ST6GAL1: variants seen among roughly 807,000 people sequenced by gnomAD.
ST6GAL1 encodes the protein ST6 beta-galactoside alpha-2,6-sialyltransferase 1, also known as beta-galactoside alpha-2,6-sialyltransferase 1.
ST6GAL1 carries 20 observed loss-of-function variants against 38.0 expected under a neutral mutation model. The observed-to-expected ratio is 0.53, with a 90% CI of 0.37 to 0.77. The LOEUF is 0.77. ST6GAL1 is among the 30% of genes least tolerant of loss of function. The pLI is 0.00. For synonymous variants in ST6GAL1, 196 were observed against 188.2 expected (o/e 1.04, Z -0.34); for missense variants, 432 against 496.4 (o/e 0.87, Z 1.23).
chr3:187,006,187 C>A (rs6764279), intron 2 of ST6GAL1: 49,774 of 152,046 alleles, frequency 0.33, 8,340 homozygotes, highest in South Asian at 0.44. Context: ...TTCCATTTGC[C>A]TCTTACAGAG....
At chr3:187,001,030 C>T (rs1716600503) in intron 2 of ST6GAL1, among the ~76,000 whole-genome samples, 1 of 152,210 alleles carries the variant, frequency 6.6e-6, no homozygotes, top group Admixed American at 6.5e-5. Flanking sequence ...AAGGTGCCTT[C>T]CTCGGGAGAA....
Position 186,954,768 on chromosome 3 carries a change from C to T in ST6GAL1, c.-324-9017C>T, listed in dbSNP as rs780635678. Among the ~76,000 whole-genome samples the T allele has an allele frequency of 3.9e-5, 6 of 152,138 alleles. 1 individual carries two copies. Among genetic ancestry groups the T allele is most frequent in the Middle Eastern group, 6.8e-3 (2 of 294 alleles). On this transcript the variant is annotated intron_variant, in intron 1 of 7. Coordinates refer to ENST00000169298, the MANE Select transcript of ST6GAL1 (RefSeq NM_173216.2). ...AGATTAGATTGCAAAAATTTTCTCC[C>T]GTTCTGTAGGCTGTCTGTTCACTCT...
intron 4 of ST6GAL1, chr3:187,043,875 C>G (rs1259379451): frequency 2.0e-5 from 3 of 152,188 alleles, no homozygotes; most frequent in African/African-American, 7.2e-5. Flanking sequence ...GCCTCAACAA[C>G]CTGGGTAATT....
intron 2 of ST6GAL1, among the ~76,000 whole-genome samples, chr3:186,990,749 G>T (rs1265921896): frequency 6.6e-6 from 1 of 150,992 alleles, no homozygotes; most frequent in Non-Finnish European, 1.5e-5. Context: ...GGAGGCAGAG[G>T]TTGCAGTGAG....
At chr3:187,014,997 T>C (rs2108561034) in intron 2 of ST6GAL1, among the ~76,000 whole-genome samples, 1 of 152,304 alleles carries the variant, frequency 6.6e-6, no homozygotes, top group South Asian at 2.1e-4. Flanking sequence ...ATTCCACGAA[T>C]AAAAGGCAGT....
intron 2 of ST6GAL1, among the ~76,000 whole-genome samples, chr3:186,981,244 A>G (rs551246178): frequency 1.3e-5 from 2 of 152,342 alleles, no homozygotes; most frequent in African/African-American, 2.4e-5. Context: ...GAACGTGGAA[A>G]GAAGGCTAAG....
intron 1 of ST6GAL1, 52 bp downstream of exon 1, chr3:186,930,886 A>T (rs2108510433): frequency 6.5e-6 from 1 of 152,696 alleles, no homozygotes; most frequent in Admixed American, 6.6e-5. Context: ...TCCCGGGAGG[A>T]GTGTGATGCA....
rs139677317 is a variant in ST6GAL1 at position 186,951,923 on chromosome 3, C to T, written c.-324-11862C>T. On this transcript the variant is annotated intron_variant, in intron 1 of 7. Transcript: ENST00000169298. Reference sequence around the variant, plus strand: ...TAATTTATGGATGGTGCTTTTTCACCGTGTCCTCATGTGCTAACAGGGCTC... The same window carrying T: ...TAATTTATGGATGGTGCTTTTTCACTGTGTCCTCATGTGCTAACAGGGCTC... Among the ~76,000 whole-genome samples, 220 of 152,288 alleles carry T rather than the reference C, an allele frequency of 1.4e-3. 2 individuals carry two copies. Among genetic ancestry groups the T allele is most frequent in the African/African-American group, 4.7e-3 (197 of 41,552 alleles).
intron 5 of ST6GAL1, among the ~76,000 whole-genome samples, chr3:187,062,828 A>G (rs1448411272): frequency 6.6e-6 from 1 of 152,086 alleles, no homozygotes; most frequent in Non-Finnish European, 1.5e-5. Context: ...TTTTAATACA[A>G]TTTTTAAATT....
chr3:187,065,409 G>A (rs1259214937), intron 5 of ST6GAL1, among the ~76,000 whole-genome samples: 2 of 152,196 alleles, frequency 1.3e-5, no homozygotes, highest in Non-Finnish European at 1.5e-5. Flanking sequence ...TTGAGAAGGT[G>A]GCTTTTTATA....
At chr3:186,959,548 A>T (rs1660987380) in intron 1 of ST6GAL1, among the ~76,000 whole-genome samples, 1 of 152,218 alleles carries the variant, frequency 6.6e-6, no homozygotes, top group Non-Finnish European at 1.5e-5. Context: ...ATAAAGGAAC[A>T]TTTATGGTGA....
intron 2 of ST6GAL1, among the ~76,000 whole-genome samples, chr3:187,023,051 G>A (rs1717386465): frequency 6.6e-6 from 1 of 152,180 alleles, no homozygotes; most frequent in African/African-American, 2.4e-5. Flanking sequence ...TGATGAGGGT[G>A]TAACCTCCTT....
At chr3:186,995,099 A>G (rs1716319548) in intron 2 of ST6GAL1, among the ~76,000 whole-genome samples, 1 of 152,156 alleles carries the variant, frequency 6.6e-6, no homozygotes, top group African/African-American at 2.4e-5. Context: ...ATGTGTATAT[A>G]TTAGTGTTTG....
rs1322593876 is a variant in ST6GAL1, at chr3:187,042,854, C to T, written c.151C>T (p.Leu51=). 3 of 1,614,202 alleles carry T rather than the reference C, an allele frequency of 1.9e-6. No homozygotes were observed. The South Asian group carries it at 3.3e-5, about 18-fold the overall frequency. Residue 51 remains leucine, a synonymous_variant, in exon 4 of 8, where the codon CTG becomes TTG. Transcript: ENST00000169298. The stretch of plus-strand genomic sequence containing the variant: ...CAAGGAATTCCAGGTGTTAAAGAGT[C>T]TGGGGAAATTGGCCATGGGGTCTGA... ...QTKEFQVLKS[L]GKLAMGSDSQ...
At chr3:186,944,001 C>T (rs905287680) in intron 1 of ST6GAL1, among the ~76,000 whole-genome samples, 11 of 152,238 alleles carry the variant, frequency 7.2e-5, no homozygotes, top group African/African-American at 2.2e-4. Flanking sequence ...CTTCTTTCAA[C>T]CTGCCTCATG....
At chr3:187,062,223 C>T (rs2108595323) in intron 5 of ST6GAL1, among the ~76,000 whole-genome samples, 2 of 152,250 alleles carry the variant, frequency 1.3e-5, no homozygotes, top group South Asian at 4.1e-4. Context: ...AATCCGTGGG[C>T]ACTGTTGATG....
intron 2 of ST6GAL1, among the ~76,000 whole-genome samples, chr3:186,976,647 C>A (rs1426273732): frequency 6.6e-6 from 1 of 152,174 alleles, no homozygotes; most frequent in Admixed American, 6.5e-5. Flanking sequence ...CCAGGCTGGC[C>A]TCAAACTCCT....
chr3:187,059,025 T>C (rs1378056889), intron 5 of ST6GAL1, among the ~76,000 whole-genome samples: 1 of 152,082 alleles, frequency 6.6e-6, no homozygotes, highest in East Asian at 1.9e-4. Context: ...ACAGTTGAGC[T>C]AGACTTTGAA....
At chr3:187,011,907 C>T (rs190181455) in intron 2 of ST6GAL1, among the ~76,000 whole-genome samples, 6 of 152,272 alleles carry the variant, frequency 3.9e-5, no homozygotes, top group African/African-American at 9.6e-5. Context: ...GTACTTGATT[C>T]GGAGGACTGG....
Sources: allele counts gnomAD v4.1 joint callset (sites outside exome capture counted in the v4.1 genomes callset), GRCh38; gene constraint gnomAD v4.1.1; transcripts MANE v1.5; gene names NCBI Gene and HGNC (gene_info 2026-07-23, HGNC 2026-07-21).